The following ITGA9 variants were observed in gnomAD, a reference collection of about 807,000 sequenced individuals.
The protein encoded by ITGA9 is integrin subunit alpha 9, also known as integrin alpha-9.
In ITGA9, 56 loss-of-function variants were observed where a neutral mutation model predicts 127.8. The ratio of observed to expected loss-of-function variants is 0.44; its 90% CI spans 0.35 to 0.55. The LOEUF (loss-of-function observed/expected upper bound fraction) is 0.55, where lower values mean the gene tolerates loss of function less well. ITGA9 is among the 20% of genes least tolerant of loss of function. The probability of loss-of-function intolerance (pLI) is 0.00; values close to 1 mark genes in which losing one functional copy is unlikely to be tolerated. For missense variants in ITGA9, 1,196 were observed against 1,347.1 expected, an observed-to-expected ratio of 0.89 and a Z score of 1.76; for synonymous variants, 508 against 514.5, an observed-to-expected ratio of 0.99 and a Z score of 0.17.
At chr3:37,466,581 G>A (rs1319271979) in intron 1 of ITGA9, among the ~76,000 whole-genome samples, 1 of 150,120 alleles carries the variant, frequency 6.7e-6, no homozygotes, top group African/African-American at 2.5e-5. Context: ...CTTCTCAAGG[G>A]CAATCTCTTC....
At chr3:37,596,792 G>C (rs1699874945) in intron 15 of ITGA9, among the ~76,000 whole-genome samples, 1 of 152,138 alleles carries the variant, frequency 6.6e-6, no homozygotes, top group Admixed American at 6.5e-5. Flanking sequence ...AAGCTCCAGG[G>C]AACCTTCAGT....
At chr3:37,794,929 A>G (rs1697154366) in intron 26 of ITGA9, among the ~76,000 whole-genome samples, 1 of 152,116 alleles carries the variant, frequency 6.6e-6, no homozygotes, top group Admixed American at 6.5e-5. Flanking sequence ...CTTGCCTTCT[A>G]GGCTGAGTTC....
chr3:37,742,639 C>G (rs1293589337), intron 21 of ITGA9, among the ~76,000 whole-genome samples: 1 of 152,198 alleles, frequency 6.6e-6, no homozygotes, highest in East Asian at 1.9e-4. Flanking sequence ...CAAATGCAAG[C>G]TGAACTTTCT....
At chr3:37,525,501 C>T (rs914662226) in intron 12 of ITGA9, among the ~76,000 whole-genome samples, 11 of 152,052 alleles carry the variant, frequency 7.2e-5, no homozygotes, top group Admixed American at 2.0e-4. Context: ...GTGACAATTC[C>T]ATGTTCTTCA....
At chr3:37,583,701 G>A (rs183029654) in intron 15 of ITGA9, among the ~76,000 whole-genome samples, 103 of 152,332 alleles carry the variant, frequency 6.8e-4, no homozygotes, top group Non-Finnish European at 1.2e-3. Context: ...GGTTTCACAT[G>A]CCATAATTTC....
chr3:37,617,457 C>T (rs926603711), intron 15 of ITGA9, among the ~76,000 whole-genome samples: 2 of 152,064 alleles, frequency 1.3e-5, no homozygotes, highest in Non-Finnish European at 2.9e-5. Context: ...TTGCTCTTCT[C>T]GAGGAGTATC....
chr3:37,663,574 A>C (rs115633023), intron 17 of ITGA9, among the ~76,000 whole-genome samples: 374 of 152,320 alleles, frequency 2.5e-3, no homozygotes, highest in African/African-American at 8.4e-3. Flanking sequence ...CCAGAGGAGG[A>C]TCCCCAAACC....
intron 23 of ITGA9, among the ~76,000 whole-genome samples, chr3:37,768,891 C>G (rs1387940951): frequency 1.3e-5 from 2 of 152,100 alleles, no homozygotes; most frequent in East Asian, 3.9e-4. Flanking sequence ...TTTAATCTTC[C>G]ATTTTCCTTT....
At chr3:37,478,210 C>G (rs1238240598) in intron 3 of ITGA9, among the ~76,000 whole-genome samples, 1 of 152,184 alleles carries the variant, frequency 6.6e-6, no homozygotes, top group Non-Finnish European at 1.5e-5. Context: ...CCACCACACA[C>G]CATTCTTAGC....
intron 15 of ITGA9, among the ~76,000 whole-genome samples, chr3:37,593,301 T>C (rs1188387797): frequency 6.6e-6 from 1 of 152,266 alleles, no homozygotes; most frequent in Non-Finnish European, 1.5e-5. Flanking sequence ...TTTTGGGTTT[T>C]TTGTTGTATT....
intron 15 of ITGA9, among the ~76,000 whole-genome samples, chr3:37,578,157 A>G (rs1699671251): frequency 6.6e-6 from 1 of 152,190 alleles, no homozygotes; most frequent in African/African-American, 2.4e-5. Context: ...AATGAGGGGA[A>G]GACACTCTAC....
chr3:37,482,979 T>C (rs1559517391), intron 4 of ITGA9, among the ~76,000 whole-genome samples: 1 of 152,152 alleles, frequency 6.6e-6, no homozygotes, highest in Non-Finnish European at 1.5e-5. Flanking sequence ...ACGCAAAGCA[T>C]GTGTCAAGCC....
intron 23 of ITGA9, among the ~76,000 whole-genome samples, chr3:37,768,993 G>A (rs200413857): frequency 7.2e-5 from 11 of 152,196 alleles, no homozygotes; most frequent in South Asian, 4.2e-4. Flanking sequence ...GATGGGGTTC[G>A]TACTGGTAAA....
intron 18 of ITGA9, among the ~76,000 whole-genome samples, chr3:37,684,219 G>T (rs1268745526): frequency 6.6e-6 from 1 of 152,158 alleles, no homozygotes; most frequent in Non-Finnish European, 1.5e-5. Context: ...CCCACAGAGT[G>T]CCAGAGAAGT....
intron 26 of ITGA9, among the ~76,000 whole-genome samples, chr3:37,785,477 G>A (rs920104568): frequency 6.6e-6 from 1 of 151,926 alleles, no homozygotes; most frequent in African/African-American, 2.4e-5. Context: ...CTGTGTTTTG[G>A]TTTGGTTTGG....
intron 17 of ITGA9, among the ~76,000 whole-genome samples, chr3:37,679,684 T>C (rs868315783): frequency 6.6e-6 from 1 of 152,202 alleles, no homozygotes. Flanking sequence ...TGCTGAAAGA[T>C]GAAAACAATC....
intron 16 of ITGA9, among the ~76,000 whole-genome samples, chr3:37,645,603 T>C (rs561391570): frequency 6.6e-6 from 1 of 152,260 alleles, no homozygotes; most frequent in South Asian, 2.1e-4. Context: ...AAAAATAGCC[T>C]TCTTGTTTGC....
intron 18 of ITGA9, among the ~76,000 whole-genome samples, chr3:37,694,487 G>A (rs543185723): frequency 2.6e-5 from 4 of 152,334 alleles, no homozygotes; most frequent in South Asian, 2.1e-4. Context: ...ATCACAAGGC[G>A]GCTTCAGTAT....
chr3:37,647,791 C>T (rs1700393119), intron 16 of ITGA9, among the ~76,000 whole-genome samples: 1 of 152,020 alleles, frequency 6.6e-6, no homozygotes, highest in Non-Finnish European at 1.5e-5. Context: ...TCCATGTTAT[C>T]AAAAATGGCA....
Sources: allele counts gnomAD v4.1 joint callset (sites outside exome capture counted in the v4.1 genomes callset), GRCh38; gene constraint gnomAD v4.1.1; transcripts MANE v1.5; gene names NCBI Gene and HGNC (gene_info 2026-07-23, HGNC 2026-07-21).